The following CYP2A7 variants were observed in gnomAD, a reference collection of about 807,000 sequenced individuals.
The protein encoded by CYP2A7 is cytochrome P450 family 2 subfamily A member 7.
A neutral mutation model predicts 42.0 loss-of-function variants in CYP2A7; 36 were observed. That is an observed-to-expected ratio of 0.86 (90% CI 0.66 to 1.13). The LOEUF (loss-of-function observed/expected upper bound fraction) is 1.13. Among genes scored for constraint, CYP2A7 ranks in the 50% most tolerant of loss-of-function variants. The probability of loss-of-function intolerance (pLI) is 0.00; values close to 1 mark genes in which losing one functional copy is unlikely to be tolerated. For missense variants in CYP2A7, 661 were observed against 634.1 expected, an observed-to-expected ratio of 1.04 and a Z score of -0.46; for synonymous variants, 260 against 249.5, an observed-to-expected ratio of 1.04 and a Z score of -0.40.
Position 40,880,367 on chromosome 19 carries a change from A to G in CYP2A7, c.493+112T>C, listed in dbSNP as rs1391158183. The G allele has an allele frequency of 2.3e-5, 35 of 1,545,508 alleles. No homozygotes were observed. The African/African-American group carries it at 4.5e-4, about 20-fold the overall frequency. On this transcript the variant is annotated intron_variant, in intron 3 of 8. Coordinates refer to ENST00000301146, the MANE Select transcript of CYP2A7 (RefSeq NM_000764.3). ...TCCCAGCGCCAGACTCCAGGGCTGG[A>G]AGTGCGGGCGCCTTTCCCCACCTAG...
intron 4 of CYP2A7, among the ~76,000 whole-genome samples, chr19:40,879,733 C>A (rs376831146): frequency 6.6e-6 from 1 of 151,370 alleles, no homozygotes; most frequent in African/African-American, 2.4e-5. Flanking sequence ...ATGCAGGAGG[C>A]GGGTTGACGC....
In CYP2A7 at chr19:40,875,807, C is replaced by A; in HGVS notation, c.1371G>T (p.Met457Ile). Reference sequence around the variant, plus strand: ...GGGAGGACTTGAGGCGGAAGTTCTGCATGACGGTGGTGAAGAAGAGAAAGA... The same window carrying A: ...GGGAGGACTTGAGGCGGAAGTTCTGAATGACGGTGGTGAAGAAGAGAAAGA... The part of the protein sequence containing the change: ...MELFLFFTTV[M>I]QNFRLKSSQS... The change falls in exon 9 of 9, where the codon ATG (methionine) becomes ATT (isoleucine). Residue 457 changes from methionine (M) to isoleucine (I), a missense_variant. By Grantham distance (10) the Met-to-Ile change is conservative. Transcript: ENST00000301146. 1 of 1,599,262 alleles carries A rather than the reference C, an allele frequency of 6.3e-7. No individual in the cohort carries two copies.
At chr19:40,877,462 G>T in intron 6 of CYP2A7, 85 bp from the exon 7 acceptor site, 1 of 1,558,300 alleles carries the variant, frequency 6.4e-7, no homozygotes, top group Admixed American at 1.8e-5. Flanking sequence ...CGGGGTGGAT[G>T]ATACGGCTCC....
intron 2 of CYP2A7, among the ~76,000 whole-genome samples, chr19:40,881,236 G>A (rs1347484168): frequency 1.3e-5 from 2 of 151,426 alleles, no homozygotes; most frequent in East Asian, 1.9e-4. Context: ...GGAGAAACAT[G>A]GAGAAGCACA....
Position 40,877,186 on chromosome 19 carries a change from G to C in CYP2A7, c.1161+4C>G, listed in dbSNP as rs375379675. 6.2e-7 allele frequency: 1 copy of C among 1,612,500 alleles called. No homozygotes were observed. The highest frequency in any genetic ancestry group is 8.5e-7 in the Non-Finnish European group (1 of 1,178,932). On this transcript the variant is annotated splice_donor_region_variant and intron_variant, in intron 7 of 8. Transcript: ENST00000301146. ...CGTAGTCTAGGGGGTGGGGAGGATA[G>C]CACCTTAGGGAGGAAAAAATCCCGA...
chr19:40,876,649 A>G lies in CYP2A7; in HGVS notation c.1181T>C (p.Met394Thr). The change falls in exon 8 of 9, where the codon ATG becomes ACG. Residue 394 changes from methionine (M) to threonine (T), a missense_variant. This residue lies in a region of CYP2A7 where 614 missense variants were observed against 552.4 expected (regional missense o/e 1.11). Transcript: ENST00000301146. ...GGGGTCTCTCAGCACGGAGCCCAGC[A>G]TAGGGAACACTTCGGTGCCCTGGTA... is the stretch of plus-strand genomic sequence containing the variant. ...FLPKGTEVFPMLGSVLRDPSF... is the reference protein window; with the variant it reads ...FLPKGTEVFPTLGSVLRDPSF... 5 of 1,612,790 alleles carry G rather than the reference A, an allele frequency of 3.1e-6. No homozygotes were observed. Among genetic ancestry groups the G allele is most frequent in the Non-Finnish European group, 4.2e-6 (5 of 1,179,110 alleles).
chr19:40,876,482 C>T (rs1373957144), intron 8 of CYP2A7, 45 bp downstream of exon 8: 3 of 1,612,068 alleles, frequency 1.9e-6, no homozygotes, highest in Non-Finnish European at 2.5e-6. Flanking sequence ...AGGGAGGCGC[C>T]TGCTGGTGTG....
Position 40,876,583 on chromosome 19 carries a change from A to T in CYP2A7, c.1247T>A (p.Phe416Tyr). 6.2e-7 allele frequency: 1 copy of T among 1,613,140 alleles called. No individual in the cohort carries two copies. Among genetic ancestry groups the T allele is most frequent in the South Asian group, 1.1e-5 (1 of 91,030 alleles). Residue 416 changes from phenylalanine to tyrosine, a missense_variant, in exon 8 of 9, where the codon TTC becomes TAC. Transcript: ENST00000301146. ...SNPQDFNPQH[F>Y]LDDKGQFKKS... ...CTTAAACTGCCCCTTGTCATCCAGG[A>T]AATGCTGGGGATTGAAGTCCTGAGG... is the stretch of plus-strand genomic sequence containing the variant.
intron 4 of CYP2A7, among the ~76,000 whole-genome samples, chr19:40,879,324 G>C (rs1967604192): frequency 6.6e-6 from 1 of 151,698 alleles, no homozygotes; most frequent in South Asian, 2.1e-4. Context: ...AGGCATTCAA[G>C]TAGGCTTGGT....
chr19:40,880,623 C>T lies in CYP2A7; in HGVS notation c.349G>A (p.Ala117Thr), dbSNP rs372995407. The change falls in exon 3 of 9, where the codon GCG becomes ACG. Residue 117 changes from alanine to threonine, a missense_variant. Ala to Thr is a moderately conservative substitution (Grantham distance 58). Around this residue, in one of 3 missense-constraint regions of CYP2A7, gnomAD observed 614 missense variants for 552.4 expected, o/e 1.11. Transcript: ENST00000301146. The part of the protein sequence containing the change: ...FDWVFKGYGV[A>T]FSNGERAKQL... Reference sequence around the variant, plus strand: ...TTGGCGCGCTCCCCGTTGCTGAACGCCACGCCTGGGGAGGTCAAGGCGGGG... The same window carrying T: ...TTGGCGCGCTCCCCGTTGCTGAACGTCACGCCTGGGGAGGTCAAGGCGGGG... 13 of 1,589,272 alleles carry T rather than the reference C, an allele frequency of 8.2e-6. 1 individual carries two copies. The East Asian group carries it at 2.7e-4, about 33-fold the overall frequency.
In CYP2A7 at chr19:40,880,607, TC is replaced by T; in HGVS notation, c.364del (p.Glu122SerfsTer14). On this transcript the variant is annotated frameshift_variant, in exon 3 of 9. Transcript: ENST00000301146. LOFTEE classifies it high-confidence loss of function. Reference protein sequence around the residue: ...KGYGVAFSNGERAKQLLRFAI... With the variant: ...KGYGVAFSNGXRAKQLLRFAI... ...AAAGCGCAGGAGCTGCTTGGCGCGC[TC>T]CCCGTTGCTGAACGCCACGCCTGGG... 1 of 1,573,024 alleles carries T rather than the reference TC, an allele frequency of 6.4e-7. No homozygotes were observed.
chr19:40,881,959 TC>T (rs1235281691), intron 1 of CYP2A7, 71 bp downstream of exon 1: 1 of 1,565,288 alleles, frequency 6.4e-7, no homozygotes, highest in African/African-American at 1.3e-5. Flanking sequence ...CACTGGTCAA[TC>T]CCCTGCCACA....
At chr19:40,881,871 C>T in intron 1 of CYP2A7, 120 bp from the exon 2 acceptor site, 1 of 1,520,300 alleles carries the variant, frequency 6.6e-7, no homozygotes, top group Non-Finnish European at 8.8e-7. Context: ...GGGAGCTGGA[C>T]ATCCCAAGAT....
chr19:40,882,099 T>C lies in CYP2A7; in HGVS notation c.112A>G (p.Thr38Ala), dbSNP rs767112586. 3 of 1,613,732 alleles carry C rather than the reference T, an allele frequency of 1.9e-6. No individual in the cohort carries two copies. The highest frequency in any genetic ancestry group is 2.2e-5 in the South Asian group (2 of 91,058). The change falls in exon 1 of 9, where the codon ACC becomes GCC. Residue 38 changes from threonine (T) to alanine (A), a missense_variant. Transcript: ENST00000301146. ...KSRGKLPPGPTPLPFIGNYLQ... is the reference protein window; with the variant it reads ...KSRGKLPPGPAPLPFIGNYLQ... ...TAGTTTCCAATGAAGGGCAGTGGGG[T>C]GGGTCCCGGAGGCAGCTTCCCCCTG...
At chr19:40,876,795 C>A (rs1416175029) in intron 7 of CYP2A7, 127 bp from the exon 8 acceptor site, 26 of 1,311,030 alleles carry the variant, frequency 2.0e-5, no homozygotes, top group Non-Finnish European at 2.7e-5. Flanking sequence ...GAGTTGGGGT[C>A]CTGTGAAGGA....
At chr19:40,878,988 G>A (rs1220132179) in intron 4 of CYP2A7, 52 bp from the exon 5 acceptor site, 3 of 1,558,494 alleles carry the variant, frequency 1.9e-6, no homozygotes, top group Non-Finnish European at 2.6e-6. Flanking sequence ...CACGGGGCAG[G>A]AGCTGATGGG....
intron 6 of CYP2A7, 146 bp from the exon 7 acceptor site, chr19:40,877,523 C>T (rs118168059): frequency 2.3e-6 from 3 of 1,296,982 alleles, no homozygotes; most frequent in South Asian, 1.5e-5. Context: ...ATCGGCCATT[C>T]GCATTGTTGG....
Position 40,881,710 on chromosome 19 carries a change from C to T in CYP2A7, c.222G>A (p.Gly74=). 1.9e-6 allele frequency: 3 copies of T among 1,611,204 alleles called. No homozygotes were observed. The highest frequency in any genetic ancestry group is 2.5e-6 in the Non-Finnish European group (3 of 1,178,412). The change falls in exon 2 of 9, where the codon GGG becomes GGA. Residue 74 remains glycine, a synonymous_variant. Transcript: ENST00000301146. ...CYGPVFTIHL[G]PRRVVVLCGH... ...CACACAGCACCACGACCCGCCGGGG[C>T]CCCAAGTGAATGGTGAACACGGGGC...
chr19:40,880,551 C>G lies in CYP2A7; in HGVS notation c.421G>C (p.Gly141Arg). Residue 141 changes from glycine (G) to arginine (R), a missense_variant, in exon 3 of 9, where the codon GGC becomes CGC. By Grantham distance (125) the Gly-to-Arg change is moderately radical. Coordinates refer to ENST00000301146, the MANE Select transcript of CYP2A7 (RefSeq NM_000764.3). Reference sequence around the variant, plus strand: ...ATGCGCTCCTCGATGCCTCGCTTGCCCACCCCGAAGTCCCTCAGGGTGGCG... The same window carrying G: ...ATGCGCTCCTCGATGCCTCGCTTGCGCACCCCGAAGTCCCTCAGGGTGGCG... ...AIATLRDFGV[G>R]KRGIEERIQE... The G allele has an allele frequency of 6.2e-7, 1 of 1,611,720 alleles. No individual in the cohort carries two copies. The highest frequency in any genetic ancestry group is 2.2e-5 in the East Asian group (1 of 44,818).
Sources: gnomAD v4.1 joint callset for allele counts (sites outside exome capture counted in the v4.1 genomes callset) on GRCh38, gnomAD v4.1.1 for gene constraint, gnomAD v4.1.1 regional missense constraint, MANE v1.5 for transcripts, NCBI Gene and HGNC (gene_info 2026-07-23, HGNC 2026-07-21) for gene names.